RBFOX1: variants seen among roughly 807,000 people sequenced by gnomAD.
RBFOX1 encodes RNA binding fox-1 homolog 1.
In RBFOX1, 8 loss-of-function variants were observed where a neutral mutation model predicts 57.7. That is an observed-to-expected ratio of 0.14 (90% confidence interval 0.08 to 0.25). The LOEUF (loss-of-function observed/expected upper bound fraction) is 0.25, where lower values mean the gene tolerates loss of function less well. Among genes scored for constraint, RBFOX1 ranks in the 10% least tolerant of loss-of-function variants. RBFOX1 has a pLI of 1.00. For missense variants in RBFOX1, 611 were observed against 548.5 expected, an observed-to-expected ratio of 1.11 and a Z score of -1.14; for synonymous variants, 326 against 222.4, an observed-to-expected ratio of 1.47 and a Z score of -4.15.
chr16:6,324,210 C>T (rs916945963), intron 2 of RBFOX1, among the ~76,000 whole-genome samples: 2 of 124,258 alleles, frequency 1.6e-5, no homozygotes, highest in South Asian at 5.3e-4. Flanking sequence ...CTTCATTTAG[C>T]TCCCATTTAC....
chr16:6,066,644 A>G (rs1199019737), intron 1 of RBFOX1, among the ~76,000 whole-genome samples: 1 of 152,150 alleles, frequency 6.6e-6, no homozygotes, highest in Non-Finnish European at 1.5e-5. Flanking sequence ...GATTCTCAGG[A>G]TAGCTGAGCA....
In RBFOX1 at chr16:5,912,886, G is replaced by A. The variant is rs150801440; in HGVS notation, c.351+45551G>A. Among the ~76,000 whole-genome samples the A allele has an allele frequency of 1.7e-3, 261 of 152,312 alleles. 1 individual carries two copies. Among genetic ancestry groups the A allele is most frequent in the African/African-American group, 6.0e-3 (248 of 41,560 alleles). On this transcript the variant is annotated intron_variant, in intron 4 of 19. Transcript: ENST00000641259. Reference sequence around the variant, plus strand: ...TGGGTCCATGGGGAGAGTGCCAGGAGCTTGTCCAGTTCTGGCCTCCAGACC... The same window carrying A: ...TGGGTCCATGGGGAGAGTGCCAGGAACTTGTCCAGTTCTGGCCTCCAGACC...
chr16:6,608,171 T>G (rs1473916408), intron 2 of RBFOX1, among the ~76,000 whole-genome samples: 1 of 152,218 alleles, frequency 6.6e-6, no homozygotes, highest in Non-Finnish European at 1.5e-5. Flanking sequence ...TTACCAGACC[T>G]ATTTTGAGTC....
chr16:5,467,071 G>A (rs940232800), intron 1 of RBFOX1: 7 of 923,200 alleles, frequency 7.6e-6, no homozygotes, highest in Non-Finnish European at 1.1e-5. Flanking sequence ...CACATGTTAG[G>A]CATTTAATGG....
intron 2 of RBFOX1, among the ~76,000 whole-genome samples, chr16:6,646,636 T>A (rs2098537242): frequency 6.6e-6 from 1 of 152,034 alleles, no homozygotes; most frequent in Non-Finnish European, 1.5e-5. Context: ...AGAAAGGAAA[T>A]GCTTATTTCA....
Position 6,697,148 on chromosome 16 carries a change from G to C in RBFOX1, c.-16+42498G>C, listed in dbSNP as rs182625992. 5.9e-5 allele frequency among the ~76,000 whole-genome samples: 9 copies of C among 152,264 alleles called. No individual in the cohort carries two copies. The East Asian group carries it at 7.7e-4, about 13-fold the overall frequency. On this transcript the variant is annotated intron_variant, in intron 3 of 15. Transcript: ENST00000550418. ...CTTGAAGATATTCAGGGATTGACTA[G>C]AGAAATAGGGCCTCTACCTTGGTGG...
chr16:7,314,081 A>G (rs986743310), intron 4 of RBFOX1, among the ~76,000 whole-genome samples: 15 of 152,170 alleles, frequency 9.9e-5, no homozygotes, highest in Admixed American at 2.0e-4. Context: ...AATGAATTGC[A>G]ACAAACCATG....
chr16:7,006,412 C>T (rs553578393), intron 3 of RBFOX1, among the ~76,000 whole-genome samples: 1 of 152,252 alleles, frequency 6.6e-6, no homozygotes, highest in East Asian at 1.9e-4. Context: ...TTTGGCCTCC[C>T]AAAGTGCTGG....
At chr16:6,489,986 C>T (rs780741233) in intron 2 of RBFOX1, among the ~76,000 whole-genome samples, 1 of 152,194 alleles carries the variant, frequency 6.6e-6, no homozygotes, top group Non-Finnish European at 1.5e-5. Flanking sequence ...TCTTTGCTTT[C>T]TGATGCTCTT....
intron 1 of RBFOX1, among the ~76,000 whole-genome samples, chr16:5,330,387 A>T (rs1414879344): frequency 1.3e-5 from 2 of 152,158 alleles, no homozygotes; most frequent in East Asian, 3.9e-4. Context: ...TGACTTTAAA[A>T]ATTATTTTAT....
At chr16:6,229,912 GC>G (rs1178228940) in intron 1 of RBFOX1, among the ~76,000 whole-genome samples, 6 of 151,842 alleles carry the variant, frequency 4.0e-5, no homozygotes, top group Non-Finnish European at 7.4e-5. Flanking sequence ...ATTTGTCCTC[GC>G]GAAAGTGATC....
intron 11 of RBFOX1, among the ~76,000 whole-genome samples, chr16:7,649,953 AGGAGAGGAAGAAGAG>A (rs1378090665): frequency 8.0e-5 from 12 of 150,408 alleles, no homozygotes; most frequent in East Asian, 6.0e-4. Context: ...ATGAAGGGAG[AGGAGAGGAAGAAGAG>A]GGAGAGGAAG....
intron 1 of RBFOX1, among the ~76,000 whole-genome samples, chr16:5,263,159 T>C (rs1196469834): frequency 6.6e-6 from 1 of 152,070 alleles, no homozygotes. Context: ...AGGTGGGGAA[T>C]GGACTTCCAG....
At chr16:5,582,011 G>T (rs550093483) in intron 2 of RBFOX1, among the ~76,000 whole-genome samples, 1 of 152,196 alleles carries the variant, frequency 6.6e-6, no homozygotes, top group Admixed American at 6.5e-5. Flanking sequence ...CAGTTGTTTC[G>T]AACAGAAGGT....
intron 4 of RBFOX1, among the ~76,000 whole-genome samples, chr16:7,103,222 C>G (rs2062999828): frequency 6.6e-6 from 1 of 152,068 alleles, no homozygotes; most frequent in Non-Finnish European, 1.5e-5. Context: ...AACCAATGAC[C>G]TCATTCTTTT....
At chr16:7,071,619 T>TG (rs2057358543) in intron 4 of RBFOX1, among the ~76,000 whole-genome samples, 6 of 142,826 alleles carry the variant, frequency 4.2e-5, no homozygotes, top group African/African-American at 1.6e-4. Context: ...GTGTGTGTGT[T>TG]TGTCTGTATA....
At chr16:7,646,281 C>T (rs1047440267) in intron 11 of RBFOX1, among the ~76,000 whole-genome samples, 7 of 152,126 alleles carry the variant, frequency 4.6e-5, no homozygotes, top group Admixed American at 6.5e-5. Context: ...TGGTTTATTT[C>T]GCCTCAGTAT....
At chr16:7,469,401 A>G (rs1344780717) in intron 4 of RBFOX1, among the ~76,000 whole-genome samples, 4 of 152,024 alleles carry the variant, frequency 2.6e-5, no homozygotes, top group African/African-American at 4.8e-5. Flanking sequence ...CTATGAGGCT[A>G]TGTTTGTCTC....
chr16:6,591,011 G>C (rs550766123), intron 2 of RBFOX1, among the ~76,000 whole-genome samples: 3 of 152,232 alleles, frequency 2.0e-5, no homozygotes, highest in African/African-American at 7.2e-5. Flanking sequence ...CTCTGAACTT[G>C]GTTTTGGCAC....
Sources: gnomAD v4.1 joint callset for allele counts (sites outside exome capture counted in the v4.1 genomes callset) on GRCh38, gnomAD v4.1.1 for gene constraint, MANE v1.5 for transcripts, NCBI Gene and HGNC (gene_info 2026-07-23, HGNC 2026-07-21) for gene names.